TTLL6: variants seen among roughly 807,000 people sequenced by gnomAD.
TTLL6 encodes tubulin polyglutamylase TTLL6.
A neutral mutation model predicts 96.4 loss-of-function variants in TTLL6; 75 were observed. That is an observed-to-expected ratio of 0.78 (90% CI 0.65 to 0.94). The LOEUF is 0.94. TTLL6 is among the 40% of genes least tolerant of loss of function. The pLI is 0.00. For synonymous variants in TTLL6, 411 were observed against 419.4 expected (o/e 0.98, Z 0.24); for missense variants, 1,030 against 1,093.0 (o/e 0.94, Z 0.81).
At position 48,796,044 on chromosome 17, in the gene TTLL6, T is replaced by C. The variant is rs2039310960; in HGVS notation, c.998+17A>G. The C allele has an allele frequency of 6.5e-7, 1 of 1,546,692 alleles. No individual in the cohort carries two copies. Among genetic ancestry groups the C allele is most frequent in the Non-Finnish European group, 8.7e-7 (1 of 1,142,930 alleles). ...GGTTGGTAGGGAAAGGAAAGAAAAA[T>C]GAAGCCTCTTCCTTACCTCTTACTG... On this transcript the variant is annotated intron_variant, in intron 8 of 15. Coordinates refer to ENST00000393382, the MANE Select transcript of TTLL6 (RefSeq NM_001130918.3).
rs2039191135 is a variant in TTLL6 at position 48,790,091 on chromosome 17, T to C, written c.1240A>G (p.Ser414Gly). 9 of 1,613,484 alleles carry C rather than the reference T, an allele frequency of 5.6e-6. No homozygotes were observed. Among genetic ancestry groups the C allele is most frequent in the Non-Finnish European group, 5.9e-6 (7 of 1,179,796 alleles). The stretch of plus-strand genomic sequence containing the variant: ...TCCAACCGAGAGTCGGTGGAGAAGC[T>C]TGGAGAGTGGTTGACCTGTGAGGGC... ...PWLLEVNHSP[S>G]FSTDSRLDKE... is the part of the protein sequence containing the mutation. The change falls in exon 10 of 16, where the codon AGC becomes GGC. Residue 414 changes from serine (S) to glycine (G), a missense_variant. Coordinates refer to ENST00000393382, the MANE Select transcript of TTLL6 (RefSeq NM_001130918.3).
chr17:48,794,128 G>A, intron 8 of TTLL6: 1 of 1,600,866 alleles, frequency 6.2e-7, no homozygotes, highest in Non-Finnish European at 8.5e-7. Flanking sequence ...ACAGTGGGGT[G>A]AGAGGGAGAT....
chr17:48,770,605 C>A lies in TTLL6; in HGVS notation c.2041-508G>T, dbSNP rs1232028085. Among the ~76,000 whole-genome samples, 3 of 151,840 alleles carry A rather than the reference C, an allele frequency of 2.0e-5. No homozygotes were observed. In the East Asian group the frequency reaches 5.8e-4, roughly 29 times the overall value. ...AATCTTGGTTCACTGTAACCTCCAC[C>A]TCCTGGGCTCAAGCAATCCTCCCAC... is the stretch of plus-strand genomic sequence containing the variant. On this transcript the variant is annotated intron_variant, in intron 13 of 15. Transcript: ENST00000393382.
chr17:48,764,351 T>C (rs1326930079), intron 15 of TTLL6, among the ~76,000 whole-genome samples: 1 of 152,138 alleles, frequency 6.6e-6, no homozygotes, highest in Non-Finnish European at 1.5e-5. Context: ...CATGGCCAGA[T>C]GGTAGAGAAG....
chr17:48,775,688 T>A (rs1422671938), intron 13 of TTLL6, among the ~76,000 whole-genome samples: 3 of 152,006 alleles, frequency 2.0e-5, no homozygotes, highest in Admixed American at 6.6e-5. Flanking sequence ...ATTACAGGCA[T>A]GCACCACCAC....
intron 13 of TTLL6, among the ~76,000 whole-genome samples, chr17:48,774,149 C>G (rs2038817077): frequency 7.3e-6 from 1 of 137,646 alleles, no homozygotes. Flanking sequence ...AAGCAGAAGG[C>G]AAGTATTAAT....
intron 8 of TTLL6, chr17:48,794,066 G>A: frequency 7.4e-7 from 1 of 1,346,410 alleles, no homozygotes; most frequent in Non-Finnish European, 1.0e-6. Context: ...GCAAGGGCAG[G>A]CGGAGGCCAC....
chr17:48,813,104 G>A (rs1317304973), intron 1 of TTLL6, among the ~76,000 whole-genome samples: 3 of 152,144 alleles, frequency 2.0e-5, no homozygotes, highest in African/African-American at 7.2e-5. Context: ...GGCACAGCTG[G>A]GGTTGGAAGA....
At chr17:48,801,667 T>G in intron 3 of TTLL6, 24 bp from the exon 4 acceptor site, 31 of 1,505,566 alleles carry the variant, frequency 2.1e-5, no homozygotes, top group Non-Finnish European at 2.8e-5. Flanking sequence ...AAAGGCCTAT[T>G]AGCCCAGGAA....
intron 13 of TTLL6, among the ~76,000 whole-genome samples, chr17:48,775,377 GA>G (rs1490711211): frequency 1.3e-5 from 2 of 151,752 alleles, no homozygotes; most frequent in Non-Finnish European, 2.9e-5. Flanking sequence ...ATGACCAAGT[GA>G]GGTTTATCCT....
chr17:48,804,810 A>G lies in TTLL6; in HGVS notation c.285T>C (p.Asn95=). 6.4e-7 allele frequency: 1 copy of G among 1,552,230 alleles called. No homozygotes were observed. Among genetic ancestry groups the G allele is most frequent in the Non-Finnish European group, 8.7e-7 (1 of 1,147,120 alleles). ...TCTTCTTCTTGCCTTGCTGCTGGGC[A>G]TTCTGAAGTCCGTTTTGTGCCCCTG... ...ENPGAQNGLQ[N]AQQQGKKKRK... Residue 95 remains asparagine (N), a synonymous_variant, in exon 2 of 16, where the codon AAT becomes AAC. Transcript: ENST00000393382.
chr17:48,786,701 G>A (rs2039103769), intron 11 of TTLL6, among the ~76,000 whole-genome samples: 1 of 152,184 alleles, frequency 6.6e-6, no homozygotes, highest in Non-Finnish European at 1.5e-5. Flanking sequence ...CTCTCATATT[G>A]CGCCATTTCA....
chr17:48,795,644 C>A (rs1169488921), intron 8 of TTLL6, among the ~76,000 whole-genome samples: 1 of 152,194 alleles, frequency 6.6e-6, no homozygotes, highest in Non-Finnish European at 1.5e-5. Context: ...ATTTGAGAAT[C>A]TCTAATGGAG....
At chr17:48,796,816 C>T (rs2039324272) in intron 7 of TTLL6, among the ~76,000 whole-genome samples, 2 of 152,060 alleles carry the variant, frequency 1.3e-5, no homozygotes, top group South Asian at 2.1e-4. Context: ...CCAGACTCAC[C>T]TCTTCCTAGC....
intron 13 of TTLL6, among the ~76,000 whole-genome samples, chr17:48,774,209 A>G (rs2038818804): frequency 6.7e-6 from 1 of 149,420 alleles, no homozygotes; most frequent in Non-Finnish European, 1.5e-5. Flanking sequence ...ACAAAACTCA[A>G]TGAAACCAAA....
chr17:48,782,988 C>T (rs754118053), intron 13 of TTLL6, among the ~76,000 whole-genome samples: 1 of 152,170 alleles, frequency 6.6e-6, no homozygotes, highest in Non-Finnish European at 1.5e-5. Flanking sequence ...GCTGGGATTA[C>T]AGGTGTGAGC....
At chr17:48,768,398 G>A (rs1290698464) in intron 15 of TTLL6, among the ~76,000 whole-genome samples, 1 of 152,206 alleles carries the variant, frequency 6.6e-6, no homozygotes, top group Non-Finnish European at 1.5e-5. Flanking sequence ...AGCCTCCCGA[G>A]TGGCTGGGAC....
chr17:48,812,064 A>ACCTCCCCCCCCCCC (rs2039602289), intron 1 of TTLL6: 5 of 76,138 alleles, frequency 6.6e-5, no homozygotes, highest in African/African-American at 2.2e-4. Context: ...TGATGCTGGG[A>ACCTCCCCCCCCCCC]CCCCCCCCCC....
At chr17:48,767,925 C>T (rs1597955221) in intron 15 of TTLL6, among the ~76,000 whole-genome samples, 2 of 152,148 alleles carry the variant, frequency 1.3e-5, no homozygotes, top group African/African-American at 4.8e-5. Context: ...AGGCCTAGAC[C>T]AGGCGGCATA....
Sources: allele counts gnomAD v4.1 joint callset (sites outside exome capture counted in the v4.1 genomes callset), GRCh38; gene constraint gnomAD v4.1.1; transcripts MANE v1.5; gene names NCBI Gene and HGNC (gene_info 2026-07-23, HGNC 2026-07-21).